CACNA1A: variants seen among roughly 807,000 people sequenced by gnomAD.
CACNA1A encodes voltage-dependent P/Q-type calcium channel subunit alpha-1A.
Under a neutral mutation model 262.4 loss-of-function variants are expected in CACNA1A, and 57 were observed. The observed-to-expected ratio is 0.22, with a 90% CI of 0.18 to 0.27. CACNA1A has a LOEUF of 0.27. Ranked by LOEUF, CACNA1A falls within the 10% of genes least tolerant of loss-of-function variation. The probability of loss-of-function intolerance (pLI) is 1.00; values close to 1 mark genes in which losing one functional copy is unlikely to be tolerated. For missense variants in CACNA1A, 2,526 were observed against 3,562.8 expected, an observed-to-expected ratio of 0.71 and a Z score of 7.41; for synonymous variants, 1,431 against 1,419.3, an observed-to-expected ratio of 1.01 and a Z score of -0.18.
At position 13,413,895 on chromosome 19, in the gene CACNA1A, AAAAGAAAGAAAGAAAGAAAGAAAG is replaced by A. The variant is rs57341945; in HGVS notation, c.539+38957_539+38980del. Among the ~76,000 whole-genome samples the A allele has an allele frequency of 2.8e-3, 339 of 119,220 alleles. 3 individuals carry two copies. Among genetic ancestry groups the A allele is most frequent in the Middle Eastern group, 0.021 (5 of 234 alleles). The allele number at this position is 119,220 out of a possible 152,430, so 78.2% of individuals were successfully genotyped here. On this transcript the variant is annotated intron_variant, in intron 3 of 46. Transcript: ENST00000360228. ...GACTCTGTCAAGAAAGAAAGAAAGA[AAAAGAAAGAAAGAAAGAAAGAAAG>A]AAAGAAAGAAAGAAAGAAAGAAAGA...
chr19:13,487,572 T>G (rs1862255), intron 1 of CACNA1A, among the ~76,000 whole-genome samples: 78,921 of 151,212 alleles, frequency 0.52, 21,162 homozygotes, highest in East Asian at 0.66. Flanking sequence ...GAGGTGATGG[T>G]TGCACAACAC....
intron 45 of CACNA1A, 128 bp from the exon 46 acceptor site, chr19:13,209,137 G>A: frequency 1.4e-6 from 2 of 1,402,124 alleles, no homozygotes; most frequent in South Asian, 2.7e-5. Flanking sequence ...GCAGGTCAGT[G>A]GGTTGGGGGG....
At chr19:13,239,828 T>C (rs1002337800) in intron 31 of CACNA1A, among the ~76,000 whole-genome samples, 5 of 151,860 alleles carry the variant, frequency 3.3e-5, no homozygotes, top group African/African-American at 1.2e-4. Flanking sequence ...CATGACTGTA[T>C]GTGAGAGACA....
At chr19:13,259,745 C>T in intron 26 of CACNA1A, 44 bp from the exon 27 acceptor site, 1 of 1,598,268 alleles carries the variant, frequency 6.3e-7, no homozygotes, top group Non-Finnish European at 8.5e-7. Context: ...GAAAGAGGGG[C>T]TGTCTTGCAC....
Position 13,308,127 on chromosome 19 carries a change from C to T in CACNA1A, c.1906G>A (p.Gly636Ser), listed in dbSNP as rs943419160. 4 of 1,613,676 alleles carry T rather than the reference C, an allele frequency of 2.5e-6. No individual in the cohort carries two copies. Among genetic ancestry groups the T allele is most frequent in the African/African-American group, 1.3e-5 (1 of 74,838 alleles). Residue 636 changes from glycine to serine, a missense_variant, in exon 14 of 47, where the codon GGC (glycine) becomes AGC (serine). By Grantham distance (56) the Gly-to-Ser change is moderately conservative. Coordinates refer to ENST00000360228, the MANE Select transcript of CACNA1A (RefSeq NM_001127222.2). This position sits in a 1 kb window ranked among gnomAD's most constrained non-coding sequence, Gnocchi z 4.2. ...TTCCTGTGAAGGACTTACTGGCCGC[C>T]GAAGAGTTGCATTCCCAAAAGGGCG... ...VFALLGMQLFGGQFNFDEGTP... is the reference protein window; with the variant it reads ...VFALLGMQLFSGQFNFDEGTP...
rs575642712 is a variant in CACNA1A, at chr19:13,212,608, T to G, written c.6050+23A>C. 135 of 1,509,676 alleles carry G rather than the reference T, an allele frequency of 8.9e-5. No individual in the cohort carries two copies. The Middle Eastern group carries it at 1.4e-3, about 16-fold the overall frequency. 93.5% of individuals were successfully genotyped at this position (1,509,676 alleles called of 1,614,324 possible). A position where few individuals can be genotyped will look rare whatever the true frequency, so the allele number is the denominator to read the frequency against. On this transcript the variant is annotated intron_variant, in intron 41 of 46. Coordinates refer to ENST00000360228, the MANE Select transcript of CACNA1A (RefSeq NM_001127222.2). This position sits in a 1 kb window ranked among gnomAD's most constrained non-coding sequence, Gnocchi z 5.6. ...GACCACGGCACCCCCACACTCCACCTCCCTGGCAGGGGTGACACTCACAGG... is the reference window on the plus strand; with the variant it reads ...GACCACGGCACCCCCACACTCCACCGCCCTGGCAGGGGTGACACTCACAGG...
In CACNA1A at chr19:13,214,929, T is replaced by TAGTAACTCAGTTTCTCCATCTGTGAAA. The variant is rs2054943832; in HGVS notation, c.5732-348_5732-322dup. 1 of 302,936 alleles carries TAGTAACTCAGTTTCTCCATCTGTGAAA rather than the reference T, an allele frequency of 3.3e-6. No homozygotes were observed. Among genetic ancestry groups the TAGTAACTCAGTTTCTCCATCTGTGAAA allele is most frequent in the Non-Finnish European group, 6.2e-6 (1 of 160,846 alleles). The allele number at this position is 302,936 out of a possible 1,614,324, so 18.8% of individuals were successfully genotyped here. On this transcript the variant is annotated intron_variant, in intron 38 of 46. Coordinates refer to ENST00000360228, the MANE Select transcript of CACNA1A (RefSeq NM_001127222.2). This position sits in a 1 kb window ranked among gnomAD's most constrained non-coding sequence, Gnocchi z 4.1. ...GCATGACTTAGGTTACTCTACCACT[T>TAGTAACTCAGTTTCTCCATCTGTGAAA]AGTAACTCAGTTTCTCCATCTGTGA...
At position 13,348,708 on chromosome 19, in the gene CACNA1A, T is replaced by C. The variant is rs574581730; in HGVS notation, c.978+10898A>G. 4.0e-3 allele frequency among the ~76,000 whole-genome samples: 605 copies of C among 152,220 alleles called. 1 individual carries two copies. Among genetic ancestry groups the C allele is most frequent in the Non-Finnish European group, 7.3e-3 (496 of 68,010 alleles). On this transcript the variant is annotated intron_variant, in intron 6 of 46. Transcript: ENST00000360228. ...AAAATTAGCTGGGCGTGTTGGTGCATGCCTGTAGTCCCAGCTACTCAGGAG... is the reference window on the plus strand; with the variant it reads ...AAAATTAGCTGGGCGTGTTGGTGCACGCCTGTAGTCCCAGCTACTCAGGAG...
At chr19:13,353,946 C>T (rs189136053) in intron 6 of CACNA1A, among the ~76,000 whole-genome samples, 1 of 152,314 alleles carries the variant, frequency 6.6e-6, no homozygotes, top group East Asian at 1.9e-4. Flanking sequence ...AGTACATACA[C>T]ATTTGCTTAG....
intron 1 of CACNA1A, among the ~76,000 whole-genome samples, chr19:13,471,293 C>T (rs563008462): frequency 1.3e-5 from 2 of 152,294 alleles, no homozygotes; most frequent in Non-Finnish European, 2.9e-5. Context: ...AGGATTCAAA[C>T]CACTACAGTG....
At chr19:13,499,822 C>G (rs1006093067) in intron 1 of CACNA1A, among the ~76,000 whole-genome samples, 5 of 152,150 alleles carry the variant, frequency 3.3e-5, no homozygotes, top group African/African-American at 1.2e-4. Context: ...GCCCTTTTCT[C>G]AGGAGCTGAG....
In CACNA1A at chr19:13,317,288, G is replaced by C; in HGVS notation, c.1379C>G (p.Ala460Gly). Residue 460 changes from alanine to glycine, a missense_variant, in exon 11 of 47, where the codon GCC becomes GGC. Transcript: ENST00000360228. Reference protein sequence around the residue: ...SPFARASIKSAKLENSTFFHK... With the variant: ...SPFARASIKSGKLENSTFFHK... ...AAAAAAGGTCGAGTTCTCCAGCTTG[G>C]CACTTTTAATGCTGGCTCGGGCGAA... 6.2e-7 allele frequency: 1 copy of C among 1,610,370 alleles called. No homozygotes were observed. The highest frequency in any genetic ancestry group is 8.5e-7 in the Non-Finnish European group (1 of 1,176,924).
chr19:13,385,832 T>A (rs2059602800), intron 3 of CACNA1A, among the ~76,000 whole-genome samples: 1 of 151,876 alleles, frequency 6.6e-6, no homozygotes, highest in East Asian at 1.9e-4. Context: ...ATTAACAGAG[T>A]ATATTCTAGA....
At chr19:13,303,448 G>GCC (rs1457126402) in intron 17 of CACNA1A, 98 bp downstream of exon 17, 9 of 205,276 alleles carry the variant, frequency 4.4e-5, no homozygotes, top group South Asian at 1.2e-4. Flanking sequence ...CTGTTCCCAT[G>GCC]CCCCCACCCC....
chr19:13,336,366 G>A (rs1216974689), intron 6 of CACNA1A, among the ~76,000 whole-genome samples: 1 of 152,148 alleles, frequency 6.6e-6, no homozygotes. Context: ...TGGTCCATGA[G>A]CCCTTTCCTC....
At chr19:13,379,789 T>A (rs992032360) in intron 3 of CACNA1A, among the ~76,000 whole-genome samples, 6 of 133,128 alleles carry the variant, frequency 4.5e-5, no homozygotes, top group Non-Finnish European at 9.6e-5. Flanking sequence ...CTGGGCGTGG[T>A]GGCGGGTGTC....
At chr19:13,452,552 C>T (rs1361850732) in intron 3 of CACNA1A, 1 of 190,844 alleles carries the variant, frequency 5.2e-6, no homozygotes, top group African/African-American at 2.3e-5. Flanking sequence ...CTCTGAGTTT[C>T]TGATTCCTCA....
At chr19:13,228,603 GAGATATATAT>G in intron 36 of CACNA1A, 2 of 220,338 alleles carry the variant, frequency 9.1e-6, no homozygotes, top group Non-Finnish European at 1.7e-5. Context: ...GAGAGAGAGA[GAGATATATAT>G]ATATATATAT....
chr19:13,499,458 G>GA (rs1379405757), intron 1 of CACNA1A, among the ~76,000 whole-genome samples: 1 of 129,360 alleles, frequency 7.7e-6, no homozygotes, highest in African/African-American at 3.2e-5. Flanking sequence ...GGTGGGGGGG[G>GA]GCACTTCGCT....
Sources: allele counts gnomAD v4.1 joint callset (sites outside exome capture counted in the v4.1 genomes callset), GRCh38; gene constraint gnomAD v4.1.1; non-coding constraint Gnocchi (gnomAD v3.1); transcripts MANE v1.5; gene names NCBI Gene and HGNC (gene_info 2026-07-23, HGNC 2026-07-21).